SUGCT: variants seen among roughly 807,000 people sequenced by gnomAD.
SUGCT encodes succinyl-CoA:glutarate-CoA transferase.
SUGCT carries 41 observed loss-of-function variants against 55.0 expected under a neutral mutation model. The ratio of observed to expected loss-of-function variants is 0.74; its 90% confidence interval spans 0.58 to 0.97. SUGCT has a LOEUF of 0.97. Among genes scored for constraint, SUGCT ranks in the 50% least tolerant of loss-of-function variants. SUGCT has a pLI of 0.00. For synonymous variants in SUGCT, 187 were observed against 200.4 expected (o/e 0.93, Z 0.56); for missense variants, 568 against 547.8 (o/e 1.04, Z -0.37).
intron 13 of SUGCT, among the ~76,000 whole-genome samples, chr7:40,806,642 T>C (rs1791108265): frequency 6.6e-6 from 1 of 152,206 alleles, no homozygotes; most frequent in African/African-American, 2.4e-5. Flanking sequence ...GAAATCAGGT[T>C]CTAATTTCCA....
At chr7:40,583,349 GA>G (rs1797201724) in intron 12 of SUGCT, among the ~76,000 whole-genome samples, 1 of 151,564 alleles carries the variant, frequency 6.6e-6, no homozygotes, top group African/African-American at 2.4e-5. Flanking sequence ...TTCAATTTTA[GA>G]AACTCTTCTT....
intron 13 of SUGCT, among the ~76,000 whole-genome samples, chr7:40,818,914 C>A (rs1300241485): frequency 9.0e-6 from 1 of 111,050 alleles, no homozygotes; most frequent in Admixed American, 1.1e-4. Flanking sequence ...CCCCCTCCCC[C>A]CACCCCACAA....
At chr7:40,779,943 C>T (rs1392600220) in intron 13 of SUGCT, among the ~76,000 whole-genome samples, 3 of 152,174 alleles carry the variant, frequency 2.0e-5, no homozygotes, top group Non-Finnish European at 4.4e-5. Context: ...TACCTGATGG[C>T]TCTGTAAGGT....
chr7:40,185,510 T>C (rs1157757887), intron 3 of SUGCT, among the ~76,000 whole-genome samples: 1 of 152,112 alleles, frequency 6.6e-6, no homozygotes, highest in African/African-American at 2.4e-5. Context: ...GCTTTGTTCC[T>C]AGCAGGGATT....
chr7:40,241,670 C>T (rs1307007741), intron 7 of SUGCT, among the ~76,000 whole-genome samples: 2 of 151,000 alleles, frequency 1.3e-5, no homozygotes, highest in African/African-American at 4.9e-5. Context: ...GCCTGTAATT[C>T]CAGCACTTTG....
At chr7:40,225,768 A>C (rs1788305504) in intron 6 of SUGCT, among the ~76,000 whole-genome samples, 1 of 152,122 alleles carries the variant, frequency 6.6e-6, no homozygotes, top group Admixed American at 6.6e-5. Flanking sequence ...TCATGGAAGT[A>C]TTTTGTAAAA....
At chr7:40,891,120 A>G in the SUGCT span, among the ~76,000 whole-genome samples, 2 of 152,178 alleles carry the variant, frequency 1.3e-5, no homozygotes, top group African/African-American at 4.8e-5. Flanking sequence ...AGTAGAGGAA[A>G]AAAAAAGAAA....
intron 12 of SUGCT, among the ~76,000 whole-genome samples, chr7:40,607,224 C>T (rs1798573516): frequency 6.6e-6 from 1 of 152,030 alleles, no homozygotes; most frequent in Non-Finnish European, 1.5e-5. Flanking sequence ...CCACCTCAGC[C>T]CCCCAAGTAG....
At chr7:40,965,628 A>G in the SUGCT span, 7 of 152,248 alleles carry the variant, frequency 4.6e-5, no homozygotes, top group Admixed American at 2.0e-4. Flanking sequence ...CTATATATTC[A>G]TACTAAAACA....
chr7:40,584,290 T>A (rs1797257642), intron 12 of SUGCT, among the ~76,000 whole-genome samples: 1 of 152,206 alleles, frequency 6.6e-6, no homozygotes, highest in African/African-American at 2.4e-5. Context: ...TATGAAACTG[T>A]GCTGCCAAAC....
chr7:40,416,811 C>G (rs1454086929), intron 9 of SUGCT, among the ~76,000 whole-genome samples: 1 of 151,928 alleles, frequency 6.6e-6, no homozygotes, highest in African/African-American at 2.4e-5. Flanking sequence ...TAACTATAGT[C>G]TGGAATAATT....
chr7:40,838,682 T>C (rs998726880), intron 13 of SUGCT, among the ~76,000 whole-genome samples: 4 of 152,192 alleles, frequency 2.6e-5, no homozygotes, highest in African/African-American at 4.8e-5. Flanking sequence ...TAGACAACCA[T>C]GCTATCTGCA....
chr7:40,650,317 G>T (rs1800713397), intron 12 of SUGCT, among the ~76,000 whole-genome samples: 1 of 152,094 alleles, frequency 6.6e-6, no homozygotes, highest in South Asian at 2.1e-4. Context: ...AATTCAATCT[G>T]TGCTCAAAGG....
chr7:40,733,415 C>A (rs1786998024), intron 12 of SUGCT, among the ~76,000 whole-genome samples: 1 of 152,186 alleles, frequency 6.6e-6, no homozygotes. Context: ...TGGCCTAGAG[C>A]AAACATGCAT....
chr7:40,486,054 C>T (rs1010224620), intron 11 of SUGCT, among the ~76,000 whole-genome samples: 6 of 152,068 alleles, frequency 3.9e-5, no homozygotes, highest in Admixed American at 6.5e-5. Flanking sequence ...GTATTCTTTC[C>T]TCTTCAGTTT....
intron 12 of SUGCT, among the ~76,000 whole-genome samples, chr7:40,641,760 G>A (rs570626957): frequency 6.6e-6 from 1 of 152,178 alleles, no homozygotes; most frequent in South Asian, 2.1e-4. Context: ...TCAGGTCTTC[G>A]CAGGAGAGTG....
chr7:40,650,400 G>GA (rs1800720244), intron 12 of SUGCT, among the ~76,000 whole-genome samples: 4 of 152,126 alleles, frequency 2.6e-5, no homozygotes, highest in Admixed American at 6.5e-5. Context: ...GAAACATGTT[G>GA]GTTTCAGCTC....
At chr7:40,533,176 A>C (rs890425680) in intron 12 of SUGCT, among the ~76,000 whole-genome samples, 1 of 152,210 alleles carries the variant, frequency 6.6e-6, no homozygotes. Flanking sequence ...ATAATAAATA[A>C]AATTTAATTA....
chr7:40,272,141 C>CATATATATATAT (rs58480323), intron 7 of SUGCT, among the ~76,000 whole-genome samples: 1 of 46,742 alleles, frequency 2.1e-5, no homozygotes, highest in Non-Finnish European at 4.6e-5. Context: ...TGCAATGTGA[C>CATATATATATAT]ATATATATAT....
Sources: gnomAD v4.1 joint callset for allele counts (sites outside exome capture counted in the v4.1 genomes callset) on GRCh38, gnomAD v4.1.1 for gene constraint, MANE v1.5 for transcripts, NCBI Gene and HGNC (gene_info 2026-07-23, HGNC 2026-07-21) for gene names.